Variants in GLI3 observed in about 807,000 individuals in gnomAD.
GLI3 encodes GLI family zinc finger 3.
Under a neutral mutation model 100.8 loss-of-function variants are expected in GLI3, and 20 were observed. That is an observed-to-expected ratio of 0.20 (90% CI 0.14 to 0.29). The LOEUF is 0.29. Ranked by LOEUF, GLI3 falls within the 10% of genes least tolerant of loss-of-function variation. GLI3 has a pLI of 1.00. For synonymous variants in GLI3, 938 were observed against 860.5 expected, an observed-to-expected ratio of 1.09 and a Z score of -1.58; for missense variants, 2,040 against 2,128.5, an observed-to-expected ratio of 0.96 and a Z score of 0.82.
intron 4 of GLI3, among the ~76,000 whole-genome samples, chr7:42,051,443 T>C (rs1784349946): frequency 6.6e-6 from 1 of 152,134 alleles, no homozygotes; most frequent in Admixed American, 6.6e-5. Context: ...CACACACATA[T>C]ATACAAATAT....
At chr7:42,232,721 C>T (rs916332535) in intron 1 of GLI3, among the ~76,000 whole-genome samples, 11 of 152,156 alleles carry the variant, frequency 7.2e-5, no homozygotes, top group Admixed American at 6.5e-4. Flanking sequence ...ACTATAGATA[C>T]CACAGATGCA....
chr7:42,047,936 GC>G (rs1284437062), intron 5 of GLI3, among the ~76,000 whole-genome samples: 1 of 152,134 alleles, frequency 6.6e-6, no homozygotes, highest in Non-Finnish European at 1.5e-5. Context: ...AGAATCTCAG[GC>G]CCCACCTGAT....
At position 41,965,310 on chromosome 7, in the gene GLI3, C is replaced by T; in HGVS notation, c.3763G>A (p.Gly1255Arg). 1.2e-6 allele frequency: 2 copies of T among 1,614,046 alleles called. No homozygotes were observed. The highest frequency in any genetic ancestry group is 1.7e-6 in the Non-Finnish European group (2 of 1,179,958). Reference protein sequence around the residue: ...HEQPCKAPQYGNCLNRQPVAP... With the variant: ...HEQPCKAPQYRNCLNRQPVAP... ...ACTGGCTGCCTGTTGAGACAGTTCC[C>T]ATACTGCGGGGCCTTACAGGGCTGT... Residue 1255 changes from glycine to arginine, a missense_variant, in exon 15 of 15, where the codon GGG becomes AGG. By Grantham distance (125) the Gly-to-Arg change is moderately radical (BLOSUM62 -2). Transcript: ENST00000395925.
At chr7:42,106,463 C>A (rs867923740) in intron 3 of GLI3, among the ~76,000 whole-genome samples, 1 of 152,212 alleles carries the variant, frequency 6.6e-6, no homozygotes, top group African/African-American at 2.4e-5. Flanking sequence ...TGAGCAAGGA[C>A]GGGCTCCTGC....
chr7:42,040,585 G>A (rs757782761), intron 6 of GLI3, among the ~76,000 whole-genome samples: 7 of 152,020 alleles, frequency 4.6e-5, no homozygotes, highest in Non-Finnish European at 8.8e-5. Flanking sequence ...CACCACAAGC[G>A]ACAAAGACAG....
chr7:42,206,491 C>T (rs1788156629), intron 2 of GLI3, among the ~76,000 whole-genome samples: 1 of 152,054 alleles, frequency 6.6e-6, no homozygotes, highest in Non-Finnish European at 1.5e-5. Context: ...TCCCTTTCCA[C>T]TCTCCCCAGA....
intron 2 of GLI3, among the ~76,000 whole-genome samples, chr7:42,208,140 C>CAGAGGGAGACTCCATCTCAAAAA (rs897908417): frequency 6.6e-6 from 1 of 152,240 alleles, no homozygotes; most frequent in Non-Finnish European, 1.5e-5. Flanking sequence ...GCCTAGGCGA[C>CAGAGGGAGACTCCATCTCAAAAA]AGAGGGAGAC....
At chr7:41,999,125 C>T (rs527288906) in intron 10 of GLI3, among the ~76,000 whole-genome samples, 17 of 152,234 alleles carry the variant, frequency 1.1e-4, no homozygotes, top group African/African-American at 1.9e-4. Context: ...CAGGACATTA[C>T]GCCATGATAG....
In GLI3 at chr7:42,132,818, T is replaced by C. The variant is rs1289119350; in HGVS notation, c.367+15408A>G. On this transcript the variant is annotated intron_variant, in intron 3 of 14. Transcript: ENST00000395925. ...TCAGAAATGAGCCAACATGAGCAGG[T>C]TGATTTTGTAAAGCATTTAGCAGAG... Among the ~76,000 whole-genome samples the C allele has an allele frequency of 6.6e-5, 10 of 152,288 alleles. No homozygotes were observed. In the East Asian group the frequency reaches 1.2e-3, roughly 18 times the overall value.
rs143009880 is a variant in GLI3 at position 41,972,437 on chromosome 7, G to C, written c.2003C>G (p.Pro668Arg). 1.2e-6 allele frequency: 2 copies of C among 1,613,626 alleles called. No individual in the cohort carries two copies. Among genetic ancestry groups the C allele is most frequent in the Admixed American group, 1.7e-5 (1 of 59,946 alleles). The change falls in exon 13 of 15, where the codon CCG becomes CGG. Residue 668 changes from proline to arginine, a missense_variant. This residue lies in a region of GLI3 where 327 missense variants were observed against 338.7 expected (regional missense o/e 0.97). Coordinates refer to ENST00000395925, the MANE Select transcript of GLI3 (RefSeq NM_000168.6). The surrounding 1 kb of genome is among the most constrained non-coding windows in gnomAD (Gnocchi z 4.4). ...CTGCTCACCAAGGGCTCCCTGAGTCGGTCGGCCAGGCGACCTGGACTGTGA... is the reference window on the plus strand; with the variant it reads ...CTGCTCACCAAGGGCTCCCTGAGTCCGTCGGCCAGGCGACCTGGACTGTGA... The part of the protein sequence containing the change: ...SHSQSRSPGR[P>R]TQGALGEQQD...
At position 41,965,287 on chromosome 7, in the gene GLI3, T is replaced by C. The variant is rs368450304; in HGVS notation, c.3786A>G (p.Pro1262=). Residue 1262 remains proline (P), a synonymous_variant, in exon 15 of 15, where the codon CCA becomes CCG. Transcript: ENST00000395925. ...PQYGNCLNRQ[P]VAPGALDGAC... The stretch of plus-strand genomic sequence containing the variant: ...CACCGTCGAGTGCACCAGGGGCCAC[T>C]GGCTGCCTGTTGAGACAGTTCCCAT... 6.2e-6 allele frequency: 10 copies of C among 1,613,670 alleles called. No homozygotes were observed. Among genetic ancestry groups the C allele is most frequent in the Non-Finnish European group, 8.5e-6 (10 of 1,179,774 alleles).
intron 3 of GLI3, among the ~76,000 whole-genome samples, chr7:42,091,743 A>G (rs1785224528): frequency 1.3e-5 from 2 of 152,206 alleles, no homozygotes; most frequent in Non-Finnish European, 2.9e-5. Flanking sequence ...GGCTGCAGCA[A>G]TATCCGCTCG....
intron 4 of GLI3, among the ~76,000 whole-genome samples, chr7:42,074,981 C>T (rs752504113): frequency 4.6e-5 from 7 of 152,102 alleles, no homozygotes; most frequent in Non-Finnish European, 8.8e-5. Context: ...GTGACTCCCC[C>T]GACTCTGCCT....
In GLI3 at chr7:41,965,533, C is replaced by T. The variant is rs143551701; in HGVS notation, c.3540G>A (p.Gly1180=). The change falls in exon 15 of 15, where the codon GGG becomes GGA. Residue 1180 remains glycine, a synonymous_variant. Coordinates refer to ENST00000395925, the MANE Select transcript of GLI3 (RefSeq NM_000168.6). ...GAGTCTGCGGCACAGCGGGCCGCGG[C>T]CCACACTTGAGCTTGGAGGAGGACA... is the stretch of plus-strand genomic sequence containing the variant. ...ADLSSSKLKC[G]PRPAVPQTRA... The T allele has an allele frequency of 2.6e-5, 41 of 1,605,484 alleles. No homozygotes were observed. In the African/African-American group the frequency reaches 3.5e-4, roughly 14 times the overall value.
intron 3 of GLI3, among the ~76,000 whole-genome samples, chr7:42,099,864 C>T (rs940248375): frequency 1.3e-5 from 2 of 152,220 alleles, no homozygotes; most frequent in Admixed American, 1.3e-4. Flanking sequence ...AACACACTTT[C>T]GAAACAGTCT....
chr7:42,104,394 A>G (rs537512997), intron 3 of GLI3, among the ~76,000 whole-genome samples: 3 of 152,204 alleles, frequency 2.0e-5, no homozygotes, highest in Non-Finnish European at 4.4e-5. Flanking sequence ...CCCACTTCCC[A>G]TCTCTACAGT....
At chr7:41,978,491 C>G in intron 11 of GLI3, 108 bp downstream of exon 11, 1 of 1,068,192 alleles carries the variant, frequency 9.4e-7, no homozygotes, top group Admixed American at 1.7e-5. Context: ...TAGTCCTCTT[C>G]TCTTGCCACC....
At chr7:42,109,856 A>G (rs1341393089) in intron 3 of GLI3, among the ~76,000 whole-genome samples, 1 of 152,236 alleles carries the variant, frequency 6.6e-6, no homozygotes, top group East Asian at 1.9e-4. Flanking sequence ...CTTGCAAAAG[A>G]AAGATTTTAA....
intron 2 of GLI3, among the ~76,000 whole-genome samples, chr7:42,202,804 G>A (rs1245229836): frequency 6.6e-6 from 1 of 152,154 alleles, no homozygotes; most frequent in Non-Finnish European, 1.5e-5. Context: ...TCCCACTGAC[G>A]TCATCATAAA....
Sources: allele counts gnomAD v4.1 joint callset (sites outside exome capture counted in the v4.1 genomes callset), GRCh38; gene constraint gnomAD v4.1.1; regional missense constraint gnomAD v4.1.1; non-coding constraint Gnocchi (gnomAD v3.1); transcripts MANE v1.5; gene names NCBI Gene and HGNC (gene_info 2026-07-23, HGNC 2026-07-21).